The following DLGAP1 variants were observed in gnomAD, a reference collection of about 807,000 sequenced individuals.
The protein encoded by DLGAP1 is disks large-associated protein 1.
In DLGAP1, 11 loss-of-function variants were observed where a neutral mutation model predicts 90.8. The ratio of observed to expected loss-of-function variants is 0.12; its 90% confidence interval spans 0.08 to 0.20. The LOEUF is 0.20. Ranked by LOEUF, DLGAP1 falls within the 10% of genes least tolerant of loss-of-function variation. The pLI is 1.00. For missense variants in DLGAP1, 1,050 were observed against 1,333.8 expected (o/e 0.79, Z 3.31); for synonymous variants, 558 against 540.7 (o/e 1.03, Z -0.44).
intron 1 of DLGAP1, among the ~76,000 whole-genome samples, chr18:4,284,456 A>G (rs1410252941): frequency 1.3e-5 from 2 of 152,152 alleles, no homozygotes; most frequent in East Asian, 1.9e-4. Context: ...TCGAGTACCA[A>G]GGCTAAAATG....
At chr18:3,795,568 C>T (rs1192150186) in intron 5 of DLGAP1, among the ~76,000 whole-genome samples, 2 of 152,158 alleles carry the variant, frequency 1.3e-5, no homozygotes, top group Non-Finnish European at 2.9e-5. Flanking sequence ...CCCACCTTGG[C>T]CTCCCAAAGT....
chr18:3,887,727 A>G (rs1335561032), intron 3 of DLGAP1, among the ~76,000 whole-genome samples: 4 of 152,176 alleles, frequency 2.6e-5, no homozygotes, highest in African/African-American at 4.8e-5. Context: ...AATGCCCAAC[A>G]GGCTGATGAT....
intron 7 of DLGAP1, among the ~76,000 whole-genome samples, chr18:3,626,873 T>C (rs1237261164): frequency 6.6e-6 from 1 of 152,112 alleles, no homozygotes; most frequent in Non-Finnish European, 1.5e-5. Flanking sequence ...CACTCCAGCC[T>C]GGGCAACAGA....
At chr18:4,043,169 T>C (rs1287456280) in intron 2 of DLGAP1, among the ~76,000 whole-genome samples, 2 of 152,234 alleles carry the variant, frequency 1.3e-5, no homozygotes, top group Admixed American at 6.5e-5. Flanking sequence ...TTAATTTCTA[T>C]TGGAAATATT....
chr18:4,217,292 C>G (rs2077977988), intron 1 of DLGAP1, among the ~76,000 whole-genome samples: 2 of 152,028 alleles, frequency 1.3e-5, no homozygotes, highest in South Asian at 4.1e-4. Context: ...CCTAGGATAT[C>G]TTGGTTGTTT....
intron 2 of DLGAP1, among the ~76,000 whole-genome samples, chr18:4,042,683 T>C (rs1350950628): frequency 6.6e-6 from 1 of 152,170 alleles, no homozygotes; most frequent in Non-Finnish European, 1.5e-5. Context: ...AAGGTTGCAA[T>C]AAGCCGAGAT....
At chr18:3,778,879 C>G (rs1279715229) in intron 5 of DLGAP1, among the ~76,000 whole-genome samples, 24 of 152,208 alleles carry the variant, frequency 1.6e-4, no homozygotes, top group Non-Finnish European at 1.5e-5. Flanking sequence ...GGTCCTCTCT[C>G]CTTGGCCCCA....
At chr18:3,672,577 CAAAAAAAAAAAAAAAA>C (rs60316690) in intron 7 of DLGAP1, among the ~76,000 whole-genome samples, 3 of 39,556 alleles carry the variant, frequency 7.6e-5, no homozygotes, top group Middle Eastern at 0.028. Flanking sequence ...AACTCTATCT[CAAAAAAAAAAAAAAAA>C]AAAAAAAAAA....
rs1039768735 is a variant in DLGAP1, at chr18:4,360,439, A to C, written c.-267+94567T>G. ...AAATGGAGATAGAAGAGAAATGCGA[A>C]TCAAAAGGTGGAACTCACGAAAGTG... is the stretch of plus-strand genomic sequence containing the variant. On this transcript the variant is annotated intron_variant, in intron 1 of 12. Coordinates refer to ENST00000315677, the MANE Select transcript of DLGAP1 (RefSeq NM_004746.4). Among the ~76,000 whole-genome samples, 5 of 152,206 alleles carry C rather than the reference A, an allele frequency of 3.3e-5. 1 individual carries two copies. Among genetic ancestry groups the C allele is most frequent in the Non-Finnish European group, 7.4e-5 (5 of 68,024 alleles).
chr18:4,183,428 T>A (rs1055518986), intron 1 of DLGAP1, among the ~76,000 whole-genome samples: 1 of 152,102 alleles, frequency 6.6e-6, no homozygotes. Flanking sequence ...CATTGTATAT[T>A]ATTTCTCTCT....
chr18:4,303,446 C>G (rs1181309079), intron 1 of DLGAP1, among the ~76,000 whole-genome samples: 2 of 152,170 alleles, frequency 1.3e-5, no homozygotes, highest in African/African-American at 4.8e-5. Context: ...GCAACCCCCA[C>G]AAACCTCCCT....
At chr18:3,750,659 T>G (rs2063460588) in intron 5 of DLGAP1, among the ~76,000 whole-genome samples, 1 of 152,192 alleles carries the variant, frequency 6.6e-6, no homozygotes, top group African/African-American at 2.4e-5. Context: ...TGCTAGTTAC[T>G]TCGACACTCT....
At chr18:4,388,448 T>C (rs2082279204) in intron 1 of DLGAP1, among the ~76,000 whole-genome samples, 1 of 151,884 alleles carries the variant, frequency 6.6e-6, no homozygotes, top group Admixed American at 6.6e-5. Context: ...GAGCTAGGGG[T>C]CATTAGTGAA....
intron 1 of DLGAP1, among the ~76,000 whole-genome samples, chr18:4,254,712 G>A (rs2078852738): frequency 6.6e-6 from 1 of 152,136 alleles, no homozygotes. Context: ...AGAGACTAAA[G>A]TGAACACATT....
chr18:4,189,124 T>C (rs1027040441), intron 1 of DLGAP1, among the ~76,000 whole-genome samples: 1 of 152,152 alleles, frequency 6.6e-6, no homozygotes, highest in African/African-American at 2.4e-5. Context: ...ATTTCAATTT[T>C]GATGAACATC....
intron 2 of DLGAP1, among the ~76,000 whole-genome samples, chr18:4,042,131 TAG>T (rs1252387790): frequency 6.6e-6 from 1 of 152,192 alleles, no homozygotes; most frequent in Non-Finnish European, 1.5e-5. Context: ...TTCATTTTCT[TAG>T]AGAGTTACCA....
chr18:3,999,254 T>C (rs1409745604), intron 3 of DLGAP1, among the ~76,000 whole-genome samples: 1 of 152,112 alleles, frequency 6.6e-6, no homozygotes, highest in African/African-American at 2.4e-5. Flanking sequence ...TAGCATACTA[T>C]ACAGACTTTT....
chr18:3,863,011 C>G (rs1170223694), intron 4 of DLGAP1, among the ~76,000 whole-genome samples: 1 of 152,200 alleles, frequency 6.6e-6, no homozygotes, highest in Non-Finnish European at 1.5e-5. Flanking sequence ...TACTAGAAGT[C>G]AAGAGAGTAA....
At chr18:4,305,298 G>A (rs2080223097) in intron 1 of DLGAP1, among the ~76,000 whole-genome samples, 1 of 152,078 alleles carries the variant, frequency 6.6e-6, no homozygotes, top group African/African-American at 2.4e-5. Context: ...ACTTTGGGAG[G>A]CGGAGGCGGG....
Sources: gnomAD v4.1 joint callset for allele counts (sites outside exome capture counted in the v4.1 genomes callset) on GRCh38, gnomAD v4.1.1 for gene constraint, MANE v1.5 for transcripts, NCBI Gene and HGNC (gene_info 2026-07-23, HGNC 2026-07-21) for gene names.